SLC38A8: variants seen among roughly 807,000 people sequenced by gnomAD.
The protein encoded by SLC38A8 is solute carrier family 38 member 8, also known as amino acid transporter SLC38A8.
A neutral mutation model predicts 46.0 loss-of-function variants in SLC38A8; 65 were observed. The observed-to-expected ratio is 1.41, with a 90% CI of 1.16 to 1.74. The LOEUF is 1.74. Ranked by LOEUF, SLC38A8 falls within the 40% of genes most tolerant of loss-of-function variation. The pLI, the probability that SLC38A8 is intolerant of heterozygous loss-of-function variation, is 0.00. For missense variants in SLC38A8, 998 were observed against 567.9 expected, an observed-to-expected ratio of 1.76 and a Z score of -7.70; for synonymous variants, 447 against 243.7, an observed-to-expected ratio of 1.83 and a Z score of -7.77.
intron 3 of SLC38A8, among the ~76,000 whole-genome samples, chr16:84,034,275 A>C (rs952604320): frequency 2.0e-5 from 3 of 152,248 alleles, no homozygotes; most frequent in Admixed American, 6.5e-5. Flanking sequence ...TTTGCCACAC[A>C]TTGCTGGACA....
chr16:84,017,094 T>A (rs1402637162), intron 8 of SLC38A8, 46 bp downstream of exon 8: 1 of 1,609,286 alleles, frequency 6.2e-7, no homozygotes, highest in Non-Finnish European at 8.5e-7. Context: ...ACAGCACACA[T>A]CAGCAGACCA....
At chr16:84,020,412 T>G (rs943917880) in intron 7 of SLC38A8, among the ~76,000 whole-genome samples, 12 of 152,166 alleles carry the variant, frequency 7.9e-5, no homozygotes, top group African/African-American at 2.9e-4. Context: ...TCCCAAAAAA[T>G]GCTGGGATTA....
At chr16:84,010,067 A>T (rs915102710) in intron 10 of SLC38A8, among the ~76,000 whole-genome samples, 190 bp from the exon 11 acceptor site, 3 of 111,934 alleles carry the variant, frequency 2.7e-5, no homozygotes, top group Non-Finnish European at 3.4e-5. Flanking sequence ...TACCCAGGCA[A>T]TTTTTTTTTT....
rs567020671 is a variant in SLC38A8 at position 84,024,951 on chromosome 16, G to C, written c.691-2062C>G. Among the ~76,000 whole-genome samples the C allele has an allele frequency of 3.3e-5, 5 of 152,226 alleles. No homozygotes were observed. In the East Asian group the frequency reaches 5.9e-4, roughly 18 times the overall value. On this transcript the variant is annotated intron_variant, in intron 6 of 10. Transcript: ENST00000299709. ...CCACCTCGGCCTCGCAAAGTGCTGG[G>C]ATTACAGGCGTGAGCCACCAAGCCC...
At chr16:84,013,777 A>C (rs1348814608) in intron 9 of SLC38A8, among the ~76,000 whole-genome samples, 1 of 148,370 alleles carries the variant, frequency 6.7e-6, no homozygotes, top group Non-Finnish European at 1.5e-5. Context: ...AGGGCCATGT[A>C]GCTTGGCCTA....
chr16:84,014,166 C>G (rs2084994544), intron 9 of SLC38A8, among the ~76,000 whole-genome samples: 1 of 151,930 alleles, frequency 6.6e-6, no homozygotes, highest in Non-Finnish European at 1.5e-5. Context: ...GGCCACACCC[C>G]TCACCTCTGA....
chr16:84,029,587 G>C (rs762251497), intron 5 of SLC38A8, 36 bp from the exon 6 acceptor site: 1 of 1,609,016 alleles, frequency 6.2e-7, no homozygotes, highest in East Asian at 2.2e-5. Context: ...TATTAAAGAA[G>C]GGTCACACCC....
At chr16:84,019,737 A>C (rs1166896548) in intron 7 of SLC38A8, among the ~76,000 whole-genome samples, 7 of 152,220 alleles carry the variant, frequency 4.6e-5, no homozygotes, top group Non-Finnish European at 8.8e-5. Context: ...AATCAAAAGC[A>C]ATCTACTTCC....
chr16:84,033,912 A>G (rs1432926774), intron 3 of SLC38A8, among the ~76,000 whole-genome samples: 1 of 151,746 alleles, frequency 6.6e-6, no homozygotes, highest in Non-Finnish European at 1.5e-5. Context: ...TTGCAGCAGA[A>G]CACATGACCC....
chr16:84,039,106 C>T (rs2085337130), intron 2 of SLC38A8, among the ~76,000 whole-genome samples: 1 of 152,116 alleles, frequency 6.6e-6, no homozygotes. Context: ...GGGAAGGAGG[C>T]AGAGATTGGA....
At chr16:84,021,354 G>A (rs150509567) in intron 7 of SLC38A8, among the ~76,000 whole-genome samples, 26 of 152,210 alleles carry the variant, frequency 1.7e-4, no homozygotes, top group Admixed American at 3.9e-4. Context: ...AGTGAGCCAC[G>A]GCACCCGGCC....
chr16:84,021,220 T>C (rs2085091247), intron 7 of SLC38A8, among the ~76,000 whole-genome samples: 1 of 152,202 alleles, frequency 6.6e-6, no homozygotes, highest in Non-Finnish European at 1.5e-5. Context: ...CCCGCCACCA[T>C]GCTCGGCTAA....
chr16:84,012,200 C>G (rs912663239), intron 10 of SLC38A8, among the ~76,000 whole-genome samples: 3 of 152,194 alleles, frequency 2.0e-5, no homozygotes, highest in Non-Finnish European at 4.4e-5. Flanking sequence ...CCTCAGTTTC[C>G]CCATCTATGG....
intron 7 of SLC38A8, among the ~76,000 whole-genome samples, chr16:84,018,847 G>C (rs1042373683): frequency 2.0e-5 from 3 of 152,152 alleles, no homozygotes; most frequent in South Asian, 2.1e-4. Context: ...TGAATTTCTA[G>C]GGGAGTCACT....
Position 84,022,863 on chromosome 16 carries a change from G to A in SLC38A8, c.717C>T (p.Tyr239=), listed in dbSNP as rs1307763948. The A allele has an allele frequency of 3.1e-6, 5 of 1,608,344 alleles. No homozygotes were observed. The highest frequency in any genetic ancestry group is 1.3e-5 in the African/African-American group (1 of 74,662). ...FQCHEAAVSI[Y]CSMRKRSLSH... is the part of the protein sequence containing the mutation. ...AGAGGCTCCGTTTGCGCATGCTGCA[G>A]TAGATGGAGACGGCAGCTTCGTGAC... The change falls in exon 7 of 11, where the codon TAC becomes TAT. Residue 239 remains tyrosine (Y), a synonymous_variant. Transcript: ENST00000299709.
intron 2 of SLC38A8, among the ~76,000 whole-genome samples, chr16:84,037,175 G>A (rs998704137): frequency 3.3e-5 from 5 of 152,186 alleles, no homozygotes; most frequent in African/African-American, 9.7e-5. Flanking sequence ...CTGCCCCAGT[G>A]GGATAAATGA....
intron 10 of SLC38A8, among the ~76,000 whole-genome samples, chr16:84,012,132 T>C (rs1308820879): frequency 6.6e-6 from 1 of 152,212 alleles, no homozygotes; most frequent in African/African-American, 2.4e-5. Context: ...CCCCAATTTA[T>C]GGTAATTTGT....
At chr16:84,030,935 C>T (rs1272902220) in intron 5 of SLC38A8, among the ~76,000 whole-genome samples, 1 of 152,200 alleles carries the variant, frequency 6.6e-6, no homozygotes, top group East Asian at 1.9e-4. Context: ...TCTGAAGCCA[C>T]CAGGTCTGGG....
chr16:84,027,113 A>G (rs564666460), intron 6 of SLC38A8, among the ~76,000 whole-genome samples: 18 of 152,314 alleles, frequency 1.2e-4, no homozygotes, highest in African/African-American at 4.1e-4. Context: ...GCACTTTGGG[A>G]GGCTGAGGTG....
Sources: allele counts gnomAD v4.1 joint callset (sites outside exome capture counted in the v4.1 genomes callset), GRCh38; gene constraint gnomAD v4.1.1; transcripts MANE v1.5; gene names NCBI Gene and HGNC (gene_info 2026-07-23, HGNC 2026-07-21).